The following BMP5 variants were observed in gnomAD, a reference collection of about 807,000 sequenced individuals.
The protein encoded by BMP5 is bone morphogenetic protein 5.
Under a neutral mutation model 46.6 loss-of-function variants are expected in BMP5, and 23 were observed. The ratio of observed to expected loss-of-function variants is 0.49; its 90% CI spans 0.35 to 0.70. The LOEUF (loss-of-function observed/expected upper bound fraction) is 0.70, where lower values mean the gene tolerates loss of function less well. BMP5 is among the 30% of genes least tolerant of loss of function. The pLI is 0.00. For missense variants in BMP5, 545 were observed against 565.6 expected (o/e 0.96, Z 0.37); for synonymous variants, 204 against 191.9 (o/e 1.06, Z -0.52).
intron 2 of BMP5, among the ~76,000 whole-genome samples, chr6:55,816,886 G>A (rs192045108): frequency 4.0e-5 from 6 of 150,994 alleles, no homozygotes; most frequent in East Asian, 2.0e-4. Context: ...TACAAAGAAC[G>A]CAAACAAATT....
In BMP5 at chr6:55,759,189, A is replaced by G. The variant is rs1490748470; in HGVS notation, c.1105-74T>C. On this transcript the variant is annotated intron_variant, in intron 5 of 6. Coordinates refer to ENST00000370830, the MANE Select transcript of BMP5 (RefSeq NM_021073.4). ...AAAAAAAAAAAAAAAAAAAACAACAAGAAAAAATATCACCAAAGTAAAAAT... is the reference window on the plus strand; with the variant it reads ...AAAAAAAAAAAAAAAAAAAACAACAGGAAAAAATATCACCAAAGTAAAAAT... The G allele has an allele frequency of 8.5e-5, 66 of 777,954 alleles. 2 individuals carry two copies. Among genetic ancestry groups the G allele is most frequent in the East Asian group, 7.2e-4 (24 of 33,420 alleles). 48.2% of individuals were successfully genotyped at this position (777,954 alleles called of 1,614,324 possible).
At chr6:55,802,111 C>T (rs1272773434) in intron 2 of BMP5, among the ~76,000 whole-genome samples, 2 of 152,096 alleles carry the variant, frequency 1.3e-5, no homozygotes, top group Non-Finnish European at 1.5e-5. Context: ...GAAGTGGTTC[C>T]TCTCAACTCA....
intron 4 of BMP5, among the ~76,000 whole-genome samples, chr6:55,771,439 G>A (rs915068779): frequency 7.4e-5 from 9 of 121,262 alleles, no homozygotes; most frequent in Non-Finnish European, 1.5e-4. Context: ...AGCAGTGCCG[G>A]GCAGTTTCTG....
chr6:55,806,865 C>T (rs1384062426), intron 2 of BMP5, among the ~76,000 whole-genome samples: 2 of 152,092 alleles, frequency 1.3e-5, no homozygotes, highest in African/African-American at 4.8e-5. Context: ...ATTTGGCTCT[C>T]TGCTTGTCTA....
At chr6:55,863,977 C>A (rs181351417) in intron 1 of BMP5, among the ~76,000 whole-genome samples, 2 of 152,050 alleles carry the variant, frequency 1.3e-5, no homozygotes, top group Admixed American at 1.3e-4. Flanking sequence ...CCTAAAGAAA[C>A]GTTTCTCAGA....
At chr6:55,826,429 TA>T (rs1466800414) in intron 1 of BMP5, among the ~76,000 whole-genome samples, 1 of 151,796 alleles carries the variant, frequency 6.6e-6, no homozygotes, top group Non-Finnish European at 1.5e-5. Flanking sequence ...AAAATCAATT[TA>T]AATATAATGC....
At chr6:55,797,614 C>CTTTTTT (rs60366569) in intron 2 of BMP5, among the ~76,000 whole-genome samples, 293 of 110,490 alleles carry the variant, frequency 2.7e-3, no homozygotes, top group Non-Finnish European at 3.2e-3. Context: ...ATTTTCTTTT[C>CTTTTTT]TTTTTTTTTT....
chr6:55,854,829 G>A (rs1777345541), intron 1 of BMP5, among the ~76,000 whole-genome samples: 1 of 152,000 alleles, frequency 6.6e-6, no homozygotes, highest in Admixed American at 6.6e-5. Flanking sequence ...TTTTAATTAA[G>A]ATTTTTCCAC....
intron 3 of BMP5, among the ~76,000 whole-genome samples, chr6:55,791,575 G>T (rs182342127): frequency 6.6e-6 from 1 of 151,996 alleles, no homozygotes; most frequent in African/African-American, 2.4e-5. Context: ...TAATATAAGA[G>T]AAAATTAATC....
At chr6:55,827,674 T>C (rs1461277549) in intron 1 of BMP5, among the ~76,000 whole-genome samples, 1 of 151,826 alleles carries the variant, frequency 6.6e-6, no homozygotes, top group Non-Finnish European at 1.5e-5. Context: ...GAAAAATTAT[T>C]AAGTGAATGT....
chr6:55,841,631 C>T lies in BMP5; in HGVS notation c.491-21784G>A, dbSNP rs533275165. 5.6e-4 allele frequency among the ~76,000 whole-genome samples: 81 copies of T among 143,494 alleles called. No individual in the cohort carries two copies. In the South Asian group the frequency reaches 0.017, roughly 31 times the overall value. 94.1% of individuals were successfully genotyped at this position (143,494 alleles called of 152,430 possible). On this transcript the variant is annotated intron_variant, in intron 1 of 6. Coordinates refer to ENST00000370830, the MANE Select transcript of BMP5 (RefSeq NM_021073.4). ...GTTTGTTTGTTTGTTTGTTTGTAGT[C>T]CTTTTCTTGGCATGCAGATGGTCAC...
chr6:55,827,312 C>A (rs894670528), intron 1 of BMP5, among the ~76,000 whole-genome samples: 13 of 151,478 alleles, frequency 8.6e-5, no homozygotes, highest in African/African-American at 3.1e-4. Flanking sequence ...GTAAATTAAT[C>A]ATTTGGTATC....
chr6:55,833,018 A>G (rs577286460), intron 1 of BMP5, among the ~76,000 whole-genome samples: 12 of 152,150 alleles, frequency 7.9e-5, no homozygotes, highest in Non-Finnish European at 1.6e-4. Context: ...CCAGAGACTC[A>G]AGCAGGAAGA....
chr6:55,873,437 G>A (rs1271249062), intron 1 of BMP5, among the ~76,000 whole-genome samples: 2 of 151,822 alleles, frequency 1.3e-5, no homozygotes, highest in East Asian at 3.9e-4. Context: ...GCCAGAGATA[G>A]TAAATTTCAC....
chr6:55,765,472 C>T (rs1383662724), intron 4 of BMP5, among the ~76,000 whole-genome samples: 3 of 151,930 alleles, frequency 2.0e-5, no homozygotes, highest in Admixed American at 6.6e-5. Context: ...ATCAGAAGAC[C>T]TTAATTTATT....
At chr6:55,809,019 A>C in intron 2 of BMP5, among the ~76,000 whole-genome samples, 1 of 152,142 alleles carries the variant, frequency 6.6e-6, no homozygotes, top group Non-Finnish European at 1.5e-5. Context: ...TTCAACGCTG[A>C]CTTGCTATAC....
intron 2 of BMP5, among the ~76,000 whole-genome samples, chr6:55,796,641 C>T (rs1775719028): frequency 7.3e-6 from 1 of 136,732 alleles, no homozygotes; most frequent in African/African-American, 2.6e-5. Context: ...CCAATGCTAT[C>T]CCTTCCCCCT....
chr6:55,833,310 G>A (rs1038013984), intron 1 of BMP5, among the ~76,000 whole-genome samples: 5 of 152,096 alleles, frequency 3.3e-5, no homozygotes, highest in Non-Finnish European at 5.9e-5. Flanking sequence ...TTAAAGTTCT[G>A]CTTCATTTTC....
chr6:55,753,675 G>A lies in BMP5; in HGVS notation c.*1858C>T, dbSNP rs116550643. 1.6e-3 allele frequency: 236 copies of A among 152,004 alleles called. 1 individual carries two copies. The highest frequency in any genetic ancestry group is 5.5e-3 in the African/African-American group (228 of 41,526). The allele number at this position is 152,004 out of a possible 1,614,324, so 9.4% of individuals were successfully genotyped here. A position where few individuals can be genotyped will look rare whatever the true frequency, so the allele number is the denominator to read the frequency against. On this transcript the variant is annotated 3_prime_UTR_variant, in exon 7 of 7. Coordinates refer to ENST00000370830, the MANE Select transcript of BMP5 (RefSeq NM_021073.4). ...GGATTGTTGCTTTGCACATTTAATAGTGAGATAATTATTAACAACACAAAA... is the reference window on the plus strand; with the variant it reads ...GGATTGTTGCTTTGCACATTTAATAATGAGATAATTATTAACAACACAAAA...
Sources: gnomAD v4.1 joint callset for allele counts (sites outside exome capture counted in the v4.1 genomes callset) on GRCh38, gnomAD v4.1.1 for gene constraint, MANE v1.5 for transcripts, NCBI Gene and HGNC (gene_info 2026-07-23, HGNC 2026-07-21) for gene names.